EPAS1: variants seen among roughly 807,000 people sequenced by gnomAD.
EPAS1 encodes the protein endothelial PAS domain-containing protein 1.
Under a neutral mutation model 87.9 loss-of-function variants are expected in EPAS1, and 23 were observed. That is an observed-to-expected ratio of 0.26 (90% CI 0.19 to 0.37). The LOEUF is 0.37. EPAS1 is among the 10% of genes least tolerant of loss of function. The pLI, the probability that EPAS1 is intolerant of heterozygous loss-of-function variation, is 1.00. For missense variants in EPAS1, 1,138 were observed against 1,120.7 expected, an observed-to-expected ratio of 1.02 and a Z score of -0.22; for synonymous variants, 508 against 444.3, an observed-to-expected ratio of 1.14 and a Z score of -1.80.
intron 2 of EPAS1, among the ~76,000 whole-genome samples, chr2:46,352,312 G>A (rs1022527655): frequency 1.3e-5 from 2 of 152,184 alleles, no homozygotes; most frequent in East Asian, 1.9e-4. Flanking sequence ...CCAGTCTGTC[G>A]ATTCCGAGGG....
rs1572631235 is a variant in EPAS1 at position 46,346,790 on chromosome 2, T to G, written c.27-83T>G. On this transcript the variant is annotated intron_variant, in intron 1 of 15. Transcript: ENST00000263734. The surrounding 1 kb of genome is among the most constrained non-coding windows in gnomAD (Gnocchi z 4.0). The stretch of plus-strand genomic sequence containing the variant: ...TAAGGGAGTGTGGCTGCACTGGGGG[T>G]TGGGGCCATGGGGATGTCCTGGCCA... 6.8e-7 allele frequency: 1 copy of G among 1,462,104 alleles called. No individual in the cohort carries two copies. The allele number at this position is 1,462,104 out of a possible 1,614,324, so 90.6% of individuals were successfully genotyped here.
intron 1 of EPAS1, among the ~76,000 whole-genome samples, chr2:46,301,431 GC>G (rs1281050489): frequency 6.6e-6 from 1 of 152,058 alleles, no homozygotes; most frequent in Non-Finnish European, 1.5e-5. Context: ...AAAAAAATTA[GC>G]CGGGCGTGGT....
chr2:46,335,076 TAGGG>T (rs1166094706), intron 1 of EPAS1, among the ~76,000 whole-genome samples: 3 of 152,048 alleles, frequency 2.0e-5, no homozygotes, highest in African/African-American at 7.2e-5. Context: ...CTTTTTTTAA[TAGGG>T]AGGGGAGAAG....
At chr2:46,356,045 T>C (rs999796347) in intron 2 of EPAS1, 106 bp from the exon 3 acceptor site, 9 of 1,280,224 alleles carry the variant, frequency 7.0e-6, no homozygotes, top group Non-Finnish European at 1.0e-5. Context: ...TCCAGAAAAG[T>C]CCACCCAATG....
chr2:46,363,755 T>A lies in EPAS1; in HGVS notation c.779+2665T>A, dbSNP rs79480530. ...GTAGAGGGTGATATTGCTTATAAGT[T>A]CTGCGAGACACACTGCATTTTCAGC... On this transcript the variant is annotated intron_variant, in intron 6 of 15. Transcript: ENST00000263734. Among the ~76,000 whole-genome samples the A allele has an allele frequency of 7.4e-3, 1,129 of 152,310 alleles. 15 individuals are homozygous for A. The highest frequency in any genetic ancestry group is 0.026 in the African/African-American group (1,061 of 41,560).
At chr2:46,308,360 A>G (rs985728406) in intron 1 of EPAS1, among the ~76,000 whole-genome samples, 3 of 148,848 alleles carry the variant, frequency 2.0e-5, no homozygotes, top group Non-Finnish European at 4.4e-5. Flanking sequence ...TTATCTAATG[A>G]CACTTTATTT....
chr2:46,324,369 A>G (rs1683512317), intron 1 of EPAS1, among the ~76,000 whole-genome samples: 1 of 152,106 alleles, frequency 6.6e-6, no homozygotes, highest in Admixed American at 6.6e-5. Context: ...GCCCAGCCCT[A>G]ATTATGTTTT....
chr2:46,324,940 T>C (rs1683524049), intron 1 of EPAS1, among the ~76,000 whole-genome samples: 2 of 152,276 alleles, frequency 1.3e-5, no homozygotes, highest in Non-Finnish European at 2.9e-5. Flanking sequence ...GCTTTTGCTA[T>C]ACTGTTGGAC....
In EPAS1 at chr2:46,386,058, C is replaced by G. The variant is rs547550765; in HGVS notation, c.*1398C>G. The G allele has an allele frequency of 1.3e-5, 2 of 152,762 alleles. No homozygotes were observed. The highest frequency in any genetic ancestry group is 2.9e-5 in the Non-Finnish European group (2 of 68,146). The allele number at this position is 152,762 out of a possible 1,614,324, so 9.5% of individuals were successfully genotyped here. ...CACTCAGCCGGCAGCCAGATGGCCC[C>G]GCAAGGCCTCCAGGGATGGCCCCTA... is the stretch of plus-strand genomic sequence containing the variant. On this transcript the variant is annotated 3_prime_UTR_variant, in exon 16 of 16. Coordinates refer to ENST00000263734, the MANE Select transcript of EPAS1 (RefSeq NM_001430.5).
chr2:46,384,447 G>A (rs1429342439), intron 15 of EPAS1, 62 bp from the exon 16 acceptor site: 6 of 1,610,670 alleles, frequency 3.7e-6, no homozygotes, highest in African/African-American at 2.7e-5. Flanking sequence ...TCACAAAGAA[G>A]TAGACACTTT....
chr2:46,344,332 A>G (rs1001038409), intron 1 of EPAS1, among the ~76,000 whole-genome samples: 4 of 152,170 alleles, frequency 2.6e-5, no homozygotes, highest in African/African-American at 9.7e-5. Context: ...GCATGCAGAT[A>G]TTGGCGTTAA....
At chr2:46,379,989 A>G (rs1036987753) in intron 11 of EPAS1, 8 of 629,962 alleles carry the variant, frequency 1.3e-5, no homozygotes, top group African/African-American at 1.1e-4. Flanking sequence ...ACATTTCTCA[A>G]TGTGCAGGGT....
intron 1 of EPAS1, among the ~76,000 whole-genome samples, chr2:46,343,396 G>A (rs1683949781): frequency 6.6e-6 from 1 of 152,214 alleles, no homozygotes; most frequent in Non-Finnish European, 1.5e-5. Flanking sequence ...TATCAACACA[G>A]CACAGGGAAC....
Position 46,382,079 on chromosome 2 carries a change from T to C in EPAS1, c.2277T>C (p.Asn759=), listed in dbSNP as rs956118272. 6.2e-7 allele frequency: 1 copy of C among 1,613,928 alleles called. No individual in the cohort carries two copies. The highest frequency in any genetic ancestry group is 1.7e-5 in the Admixed American group (1 of 60,020). ...PLMPDKPLSA[N]VPNDKFTQNP... The stretch of plus-strand genomic sequence containing the variant: ...TGCCGGACAAGCCACTGAGCGCAAA[T>C]GTACCCAATGGTGAGCAGCGGCCAC... The change falls in exon 14 of 16, where the codon AAT becomes AAC. Residue 759 remains asparagine (N), a synonymous_variant. Transcript: ENST00000263734.
At chr2:46,350,443 T>C (rs1684124811) in intron 2 of EPAS1, among the ~76,000 whole-genome samples, 1 of 152,234 alleles carries the variant, frequency 6.6e-6, no homozygotes, top group Non-Finnish European at 1.5e-5. Context: ...GTGGGAATGT[T>C]GGAGAGGAAA....
intron 6 of EPAS1, among the ~76,000 whole-genome samples, chr2:46,368,435 T>C (rs1262721744): frequency 1.3e-5 from 2 of 152,124 alleles, no homozygotes; most frequent in Non-Finnish European, 2.9e-5. Context: ...GCTCAAAAGA[T>C]GGAGAGTAGG....
intron 12 of EPAS1, 195 bp from the exon 13 acceptor site, chr2:46,381,401 A>T: frequency 1.3e-6 from 1 of 795,456 alleles, no homozygotes; most frequent in Non-Finnish European, 2.1e-6. Context: ...GCCCTTCAGC[A>T]TCTTATAGCT....
intron 1 of EPAS1, among the ~76,000 whole-genome samples, chr2:46,340,068 T>C (rs1339986479): frequency 6.6e-6 from 1 of 152,180 alleles, no homozygotes; most frequent in African/African-American, 2.4e-5. Context: ...GGACAGTTCA[T>C]TATGATTATT....
At chr2:46,315,577 C>G (rs1292265738) in intron 1 of EPAS1, among the ~76,000 whole-genome samples, 1 of 152,250 alleles carries the variant, frequency 6.6e-6, no homozygotes, top group Non-Finnish European at 1.5e-5. Flanking sequence ...TGCTTGTTCA[C>G]TGGAGTTCAC....
Sources: allele counts gnomAD v4.1 joint callset (sites outside exome capture counted in the v4.1 genomes callset), GRCh38; gene constraint gnomAD v4.1.1; non-coding constraint Gnocchi (gnomAD v3.1); transcripts MANE v1.5; gene names NCBI Gene and HGNC (gene_info 2026-07-23, HGNC 2026-07-21).